The following BNC2 variants were observed in gnomAD, a reference collection of about 807,000 sequenced individuals.
BNC2 encodes zinc finger protein basonuclin-2.
Under a neutral mutation model 76.3 loss-of-function variants are expected in BNC2, and 20 were observed. That is an observed-to-expected ratio of 0.26 (90% CI 0.18 to 0.38). BNC2 has a LOEUF of 0.38. BNC2 is among the 10% of genes least tolerant of loss of function. The pLI, the probability that BNC2 is intolerant of heterozygous loss-of-function variation, is 1.00. For synonymous variants in BNC2, 582 were observed against 514.8 expected (o/e 1.13, Z -1.77); for missense variants, 1,382 against 1,399.8 (o/e 0.99, Z 0.20).
intron 3 of BNC2, among the ~76,000 whole-genome samples, chr9:16,586,637 A>C (rs1027689381): frequency 2.6e-5 from 4 of 152,094 alleles, no homozygotes; most frequent in African/African-American, 9.7e-5. Context: ...AAATAAATAC[A>C]GGTGTTTCCC....
intron 3 of BNC2, among the ~76,000 whole-genome samples, chr9:16,712,526 T>C (rs995177106): frequency 1.3e-5 from 2 of 152,242 alleles, no homozygotes; most frequent in African/African-American, 4.8e-5. Flanking sequence ...TTTTCAAACT[T>C]GTTGGAACAT....
Position 16,702,052 on chromosome 9 carries a change from C to G in BNC2, c.330+25745G>C, listed in dbSNP as rs146554918. 3.0e-3 allele frequency among the ~76,000 whole-genome samples: 449 copies of G among 151,490 alleles called. 3 individuals carry two copies. Among genetic ancestry groups the G allele is most frequent in the African/African-American group, 0.011 (434 of 41,294 alleles). Reference sequence around the variant, plus strand: ...GGCTAAAAAACAATAAAAAGAAGCACATTATTTTGCTCAACAAATAGTTCC... The same window carrying G: ...GGCTAAAAAACAATAAAAAGAAGCAGATTATTTTGCTCAACAAATAGTTCC... On this transcript the variant is annotated intron_variant, in intron 3 of 6. Transcript: ENST00000380672.
Position 16,583,092 on chromosome 9 carries a change from A to G in BNC2, c.331-7T>C. ...CCAGTGTGCAACGGATGGCCTGAAA[A>G]ATAAAGGAGGAAAAAAAGGTCAGCA... On this transcript the variant is annotated splice_region_variant and splice_polypyrimidine_tract_variant and intron_variant, in intron 3 of 6. Transcript: ENST00000380672. 1 of 1,612,370 alleles carries G rather than the reference A, an allele frequency of 6.2e-7. No homozygotes were observed. Among genetic ancestry groups the G allele is most frequent in the Non-Finnish European group, 8.5e-7 (1 of 1,178,450 alleles).
intron 1 of BNC2, among the ~76,000 whole-genome samples, chr9:16,766,861 C>T (rs1825709287): frequency 1.3e-5 from 2 of 152,102 alleles, no homozygotes; most frequent in Non-Finnish European, 2.9e-5. Flanking sequence ...AAAAAGCTGG[C>T]TGGAGGTTGC....
chr9:16,550,693 T>C (rs534048788), intron 5 of BNC2, among the ~76,000 whole-genome samples: 3 of 152,342 alleles, frequency 2.0e-5, no homozygotes, highest in South Asian at 4.1e-4. Context: ...GTAAGTATCT[T>C]AGGCAACACA....
chr9:16,690,653 G>C (rs1179707600), intron 3 of BNC2, among the ~76,000 whole-genome samples: 1 of 152,162 alleles, frequency 6.6e-6, no homozygotes, highest in African/African-American at 2.4e-5. Context: ...AACATGATAA[G>C]GATGGGAGAT....
rs1369981013 is a variant in BNC2, at chr9:16,416,854, G to T, written c.*2135C>A. ...TTTGGGAAACAATAAATACTGTGAGGTACAATAAATCCTACAGGAATAATA... is the reference window on the plus strand; with the variant it reads ...TTTGGGAAACAATAAATACTGTGAGTTACAATAAATCCTACAGGAATAATA... On this transcript the variant is annotated 3_prime_UTR_variant, in exon 7 of 7. Transcript: ENST00000380672. 1 of 152,402 alleles carries T rather than the reference G, an allele frequency of 6.6e-6. No individual in the cohort carries two copies. The highest frequency in any genetic ancestry group is 2.4e-5 in the African/African-American group (1 of 41,368). 9.4% of individuals were successfully genotyped at this position (152,402 alleles called of 1,614,324 possible).
chr9:16,776,257 C>T (rs1391368472), intron 1 of BNC2, among the ~76,000 whole-genome samples: 1 of 152,156 alleles, frequency 6.6e-6, no homozygotes, highest in South Asian at 2.1e-4. Context: ...TCTCCTCTCT[C>T]AGTCTCCCAA....
intron 4 of BNC2, among the ~76,000 whole-genome samples, chr9:16,554,315 C>T (rs1434258160): frequency 6.6e-6 from 1 of 152,064 alleles, no homozygotes; most frequent in African/African-American, 2.4e-5. Context: ...ACTCTCATTT[C>T]CTCCTGACTT....
intron 3 of BNC2, among the ~76,000 whole-genome samples, chr9:16,583,543 C>G (rs993273046): frequency 4.6e-5 from 7 of 151,964 alleles, no homozygotes; most frequent in African/African-American, 1.7e-4. Context: ...TAGAATATTA[C>G]TTTTCTTCTG....
At chr9:16,704,570 A>AAG (rs1227390660) in intron 3 of BNC2, among the ~76,000 whole-genome samples, 3 of 140,960 alleles carry the variant, frequency 2.1e-5, no homozygotes, top group Admixed American at 2.1e-4. Context: ...CCAAAAAGGA[A>AAG]AAAAAAAAAA....
At chr9:16,823,719 A>C (rs1818391573) in intron 1 of BNC2, among the ~76,000 whole-genome samples, 1 of 152,196 alleles carries the variant, frequency 6.6e-6, no homozygotes, top group Non-Finnish European at 1.5e-5. Context: ...TTTGGTATCC[A>C]GGAATTATTT....
chr9:16,625,043 A>G (rs1051275900), intron 3 of BNC2, among the ~76,000 whole-genome samples: 4 of 152,220 alleles, frequency 2.6e-5, no homozygotes, highest in African/African-American at 9.6e-5. Flanking sequence ...GCTTTTTAAC[A>G]TTCAATAACT....
chr9:16,665,434 A>AG (rs1554702387), intron 3 of BNC2, among the ~76,000 whole-genome samples: 4 of 116,098 alleles, frequency 3.4e-5, no homozygotes, highest in African/African-American at 1.4e-4. Context: ...GAAAGGAAAG[A>AG]AAAGAAAGAA....
At chr9:16,554,145 T>C (rs1484704642) in intron 4 of BNC2, among the ~76,000 whole-genome samples, 1 of 152,194 alleles carries the variant, frequency 6.6e-6, no homozygotes, top group Admixed American at 6.5e-5. Context: ...CGGCTTTTCC[T>C]AACACCTTAT....
intron 3 of BNC2, among the ~76,000 whole-genome samples, chr9:16,649,738 G>T (rs1587273293): frequency 6.6e-6 from 1 of 152,138 alleles, no homozygotes; most frequent in African/African-American, 2.4e-5. Context: ...CCAAAATTTT[G>T]TTCCAGATGA....
intron 1 of BNC2, among the ~76,000 whole-genome samples, chr9:16,863,676 CAG>C (rs1819468429): frequency 6.6e-6 from 1 of 152,158 alleles, no homozygotes; most frequent in Admixed American, 6.5e-5. Flanking sequence ...GTTTGGGCGA[CAG>C]AGCGAGATTC....
intron 6 of BNC2, among the ~76,000 whole-genome samples, chr9:16,426,884 C>A (rs1820812665): frequency 6.6e-6 from 1 of 152,142 alleles, no homozygotes; most frequent in African/African-American, 2.4e-5. Flanking sequence ...CATACAGATA[C>A]ATGTTGAGAC....
intron 5 of BNC2, among the ~76,000 whole-genome samples, chr9:16,500,003 G>C (rs1016314611): frequency 6.6e-6 from 1 of 151,620 alleles, no homozygotes; most frequent in Non-Finnish European, 1.5e-5. Context: ...TATGAAATGG[G>C]GCCCCATTTC....
Sources: gnomAD v4.1 joint callset for allele counts (sites outside exome capture counted in the v4.1 genomes callset) on GRCh38, gnomAD v4.1.1 for gene constraint, MANE v1.5 for transcripts, NCBI Gene and HGNC (gene_info 2026-07-23, HGNC 2026-07-21) for gene names.